The following CAMK2A variants were observed in gnomAD, a reference collection of about 807,000 sequenced individuals.
CAMK2A encodes the protein calcium/calmodulin-dependent protein kinase type II subunit alpha.
Under a neutral mutation model 79.2 loss-of-function variants are expected in CAMK2A, and 7 were observed. The ratio of observed to expected loss-of-function variants is 0.09; its 90% CI spans 0.05 to 0.17. The LOEUF is 0.17. Ranked by LOEUF, CAMK2A falls within the 10% of genes least tolerant of loss-of-function variation. The pLI, the probability that CAMK2A is intolerant of heterozygous loss-of-function variation, is 1.00. For missense variants in CAMK2A, 214 were observed against 646.4 expected, an observed-to-expected ratio of 0.33 and a Z score of 7.25; for synonymous variants, 242 against 251.7, an observed-to-expected ratio of 0.96 and a Z score of 0.36.
rs921068665 is a variant in CAMK2A, at chr5:150,221,663, C to T, written c.*1047G>A. On this transcript the variant is annotated 3_prime_UTR_variant, in exon 19 of 19. Coordinates refer to ENST00000671881, the MANE Select transcript of CAMK2A (RefSeq NM_015981.4). ...CGCCTGTGTCAGCTCACCTTGGGAC[C>T]GAAATGGCAGAGAGGCCCTTCTCCC... The T allele has an allele frequency of 4.0e-5, 16 of 397,420 alleles. No homozygotes were observed. The highest frequency in any genetic ancestry group is 6.3e-4 in the Middle Eastern group (1 of 1,578). The allele number at this position is 397,420 out of a possible 1,614,324, so 24.6% of individuals were successfully genotyped here. A position where few individuals can be genotyped will look rare whatever the true frequency, so the allele number is the denominator to read the frequency against.
chr5:150,239,352 G>A lies in CAMK2A; in HGVS notation c.1017+352C>T, dbSNP rs935088618. ...TTTGGCCAAACCAAGCCCCACCCTC[G>A]CCGCGATTGGCACAAACCAAGCCTG... On this transcript the variant is annotated intron_variant, in intron 14 of 18. Coordinates refer to ENST00000671881, the MANE Select transcript of CAMK2A (RefSeq NM_015981.4). Among the ~76,000 whole-genome samples the A allele has an allele frequency of 5.3e-5, 8 of 152,212 alleles. No individual in the cohort carries two copies. In the East Asian group the frequency reaches 5.8e-4, roughly 11 times the overall value.
rs1754463544 is a variant in CAMK2A, at chr5:150,223,706, G to A, written c.1238-489C>T. ...AATAGAATGTCTTGTCCCACCTAAAGAGGGCATCCTGCACACAGCTTCCCT... is the reference window on the plus strand; with the variant it reads ...AATAGAATGTCTTGTCCCACCTAAAAAGGGCATCCTGCACACAGCTTCCCT... On this transcript the variant is annotated intron_variant, in intron 17 of 18. Coordinates refer to ENST00000671881, the MANE Select transcript of CAMK2A (RefSeq NM_015981.4). The surrounding 1 kb of genome is among the most constrained non-coding windows in gnomAD (Gnocchi z 4.1). Among the ~76,000 whole-genome samples, 1 of 152,184 alleles carries A rather than the reference G, an allele frequency of 6.6e-6. No homozygotes were observed. The highest frequency in any genetic ancestry group is 1.5e-5 in the Non-Finnish European group (1 of 68,032).
In CAMK2A at chr5:150,224,882, C is replaced by T. The variant is rs10069362; in HGVS notation, c.1238-1665G>A. On this transcript the variant is annotated intron_variant, in intron 17 of 18. Transcript: ENST00000671881. ...GTGGAATCTAAAAGTCAGTTTTGGC[C>T]GGGAGCAGTGACTCACTCCTGTAAT... 9.1e-3 allele frequency among the ~76,000 whole-genome samples: 1,375 copies of T among 151,558 alleles called. 26 individuals carry two copies. Among genetic ancestry groups the T allele is most frequent in the African/African-American group, 0.032 (1,307 of 41,262 alleles).
intron 1 of CAMK2A, among the ~76,000 whole-genome samples, chr5:150,288,236 C>T (rs1305003480): frequency 6.6e-6 from 1 of 152,124 alleles, no homozygotes; most frequent in East Asian, 1.9e-4. Context: ...TCACACACCC[C>T]TAGACCTCAC....
chr5:150,278,369 T>A (rs933413045), intron 1 of CAMK2A, among the ~76,000 whole-genome samples: 12 of 150,018 alleles, frequency 8.0e-5, no homozygotes, highest in Admixed American at 7.3e-4. Context: ...CCCTTTTTTA[T>A]CTTCTGTTTA....
intron 11 of CAMK2A, among the ~76,000 whole-genome samples, chr5:150,248,947 C>T (rs749037482): frequency 3.3e-4 from 50 of 152,332 alleles, no homozygotes; most frequent in African/African-American, 1.1e-3. Flanking sequence ...CCTGACTTGA[C>T]ACTGTCTGAA....
rs73281750 is a variant in CAMK2A, at chr5:150,231,513, C to T, written c.1067-133G>A. The T allele has an allele frequency of 2.2e-3, 769 of 356,968 alleles. 8 individuals are homozygous for T. The highest frequency in any genetic ancestry group is 0.015 in the African/African-American group (728 of 47,248). The allele number at this position is 356,968 out of a possible 1,614,324, so 22.1% of individuals were successfully genotyped here. A position where few individuals can be genotyped will look rare whatever the true frequency, so the allele number is the denominator to read the frequency against. Reference sequence around the variant, plus strand: ...CATGTGCCAGACTCTGTGCTGGGACCTGAAGACCTCATGCAGATGATCTCA... The same window carrying T: ...CATGTGCCAGACTCTGTGCTGGGACTTGAAGACCTCATGCAGATGATCTCA... On this transcript the variant is annotated intron_variant, in intron 15 of 18. Coordinates refer to ENST00000671881, the MANE Select transcript of CAMK2A (RefSeq NM_015981.4).
intron 2 of CAMK2A, chr5:150,265,435 A>C (rs927750528): frequency 6.0e-6 from 1 of 167,392 alleles, no homozygotes; most frequent in Admixed American, 5.7e-5. Flanking sequence ...TCTACCTCCC[A>C]CCTGCCGTTC....
At chr5:150,288,472 C>A (rs1411861412) in intron 1 of CAMK2A, among the ~76,000 whole-genome samples, 1 of 152,116 alleles carries the variant, frequency 6.6e-6, no homozygotes, top group Non-Finnish European at 1.5e-5. Flanking sequence ...CAGGGCACAC[C>A]AGCGTACCCC....
At chr5:150,258,397 T>C (rs1050649339) in intron 3 of CAMK2A, among the ~76,000 whole-genome samples, 1 of 152,182 alleles carries the variant, frequency 6.6e-6, no homozygotes, top group African/African-American at 2.4e-5. Context: ...AAAATGTCCA[T>C]GCAGGGGCGT....
Position 150,219,575 on chromosome 5 carries a change from C to T in CAMK2A, c.*3135G>A, listed in dbSNP as rs13173132. On this transcript the variant is annotated 3_prime_UTR_variant, in exon 19 of 19. Transcript: ENST00000671881. ...CTTCTTCCCATCCCACCCGCCCCCC[C>T]CAATAGCAGAAAGTTTGAGCAGTGT... 0.21 allele frequency: 25,854 copies of T among 125,862 alleles called. 2,537 individuals carry two copies. Among genetic ancestry groups the T allele is most frequent in the Non-Finnish European group, 0.27 (16,311 of 59,462 alleles). The allele number at this position is 125,862 out of a possible 1,614,324, so 7.8% of individuals were successfully genotyped here.
At chr5:150,225,737 GTTATTATTA>G (rs201656810) in intron 17 of CAMK2A, among the ~76,000 whole-genome samples, 1 of 44,350 alleles carries the variant, frequency 2.3e-5, no homozygotes, top group African/African-American at 4.6e-5. Flanking sequence ...GAATTCAATT[GTTATTATTA>G]TTATTATTAT....
chr5:150,224,734 C>G (rs1448343348), intron 17 of CAMK2A, among the ~76,000 whole-genome samples: 1 of 152,042 alleles, frequency 6.6e-6, no homozygotes, highest in African/African-American at 2.4e-5. Context: ...TATAAGCGTC[C>G]CTGACAGCAT....
chr5:150,270,428 G>A (rs934088266), intron 2 of CAMK2A, among the ~76,000 whole-genome samples: 1 of 152,148 alleles, frequency 6.6e-6, no homozygotes, highest in Non-Finnish European at 1.5e-5. Flanking sequence ...ATATATCGTG[G>A]GTTTGGGAAC....
intron 15 of CAMK2A, among the ~76,000 whole-genome samples, 188 bp from the exon 16 acceptor site, chr5:150,231,568 G>T (rs910186827): frequency 6.7e-5 from 10 of 149,392 alleles, no homozygotes; most frequent in African/African-American, 2.5e-4. Flanking sequence ...TGGGGGCTAG[G>T]CATCATCACC....
intron 13 of CAMK2A, among the ~76,000 whole-genome samples, chr5:150,239,978 C>T (rs1562149439): frequency 1.3e-5 from 2 of 152,256 alleles, no homozygotes; most frequent in East Asian, 1.9e-4. Context: ...CTGGGTCTAG[C>T]GATCTAACAG....
intron 15 of CAMK2A, chr5:150,238,327 CT>C: frequency 5.1e-6 from 1 of 195,016 alleles, no homozygotes; most frequent in Non-Finnish European, 1.1e-5. Context: ...TGGCAGGCAT[CT>C]GTCATCCCAG....
chr5:150,247,666 C>G (rs1445358609), intron 12 of CAMK2A, 106 bp downstream of exon 12: 3 of 862,042 alleles, frequency 3.5e-6, no homozygotes, highest in Non-Finnish European at 5.5e-6. Context: ...CTACAACTCC[C>G]TCTCCCCAGG....
chr5:150,260,319 C>T (rs1185787317), intron 3 of CAMK2A, among the ~76,000 whole-genome samples: 1 of 151,690 alleles, frequency 6.6e-6, no homozygotes, highest in Non-Finnish European at 1.5e-5. Context: ...ATTAGCCAGG[C>T]GTGGTGGTGG....
Sources: gnomAD v4.1 joint callset for allele counts (sites outside exome capture counted in the v4.1 genomes callset) on GRCh38, gnomAD v4.1.1 for gene constraint, Gnocchi (gnomAD v3.1) non-coding constraint, MANE v1.5 for transcripts, NCBI Gene and HGNC (gene_info 2026-07-23, HGNC 2026-07-21) for gene names.